PREPL: variants seen among roughly 807,000 people sequenced by gnomAD.
The protein encoded by PREPL is prolyl endopeptidase-like.
PREPL carries 77 observed loss-of-function variants against 70.6 expected under a neutral mutation model. The observed-to-expected ratio is 1.09, with a 90% CI of 0.91 to 1.32. PREPL has a LOEUF of 1.32. Among genes scored for constraint, PREPL ranks in the 40% most tolerant of loss-of-function variants. The pLI, the probability that PREPL is intolerant of heterozygous loss-of-function variation, is 0.00. For synonymous variants in PREPL, 315 were observed against 264.8 expected, an observed-to-expected ratio of 1.19 and a Z score of -1.84; for missense variants, 1,002 against 778.2, an observed-to-expected ratio of 1.29 and a Z score of -3.42.
Position 44,321,539 on chromosome 2 carries a change from C to G in PREPL, c.1828-94G>C, listed in dbSNP as rs138402468. 2.6e-5 allele frequency: 40 copies of G among 1,524,516 alleles called. No individual in the cohort carries two copies. The Middle Eastern group carries it at 1.4e-3, about 53-fold the overall frequency. 94.4% of individuals were successfully genotyped at this position (1,524,516 alleles called of 1,614,324 possible). On this transcript the variant is annotated intron_variant, in intron 13 of 13. Coordinates refer to ENST00000409411, the MANE Select transcript of PREPL (RefSeq NM_001171613.2). ...CTTTATCTATCCATCTTTACCTAACCGTGAAGTCAGCAATTTATGGCAAGA... is the reference window on the plus strand; with the variant it reads ...CTTTATCTATCCATCTTTACCTAACGGTGAAGTCAGCAATTTATGGCAAGA...
intron 6 of PREPL, 113 bp downstream of exon 6, chr2:44,339,034 A>G: frequency 6.8e-7 from 1 of 1,479,938 alleles, no homozygotes; most frequent in Non-Finnish European, 9.0e-7. Flanking sequence ...GGTTATACAT[A>G]GGAAGGTGGC....
At chr2:44,333,883 C>T (rs1040612276) in intron 7 of PREPL, among the ~76,000 whole-genome samples, 12 of 152,098 alleles carry the variant, frequency 7.9e-5, no homozygotes, top group Admixed American at 2.0e-4. Flanking sequence ...GGCCTCAGAG[C>T]GAGGGTACAA....
rs761397318 is a variant in PREPL, at chr2:44,343,790, C to G, written c.304G>C (p.Asp102His). 3 of 1,613,882 alleles carry G rather than the reference C, an allele frequency of 1.9e-6. No individual in the cohort carries two copies. Among genetic ancestry groups the G allele is most frequent in the African/African-American group, 2.7e-5 (2 of 74,928 alleles). The change falls in exon 4 of 14, where the codon GAT becomes CAT. Residue 102 changes from aspartate to histidine, a missense_variant. Transcript: ENST00000409411. Reference sequence around the variant, plus strand: ...AAAGAAGCTTCCATTACGGGCTGATCGCTGAGCTTTATAATTACACAGGTA... The same window carrying G: ...AAAGAAGCTTCCATTACGGGCTGATGGCTGAGCTTTATAATTACACAGGTA... ...ASTCVIIKLS[D>H]QPVMEASFPN...
At position 44,343,882 on chromosome 2, in the gene PREPL, C is replaced by T. The variant is rs778714656; in HGVS notation, c.212G>A (p.Cys71Tyr). The T allele has an allele frequency of 6.2e-6, 10 of 1,613,892 alleles. No individual in the cohort carries two copies. The African/African-American group carries it at 1.3e-4, about 22-fold the overall frequency. The change falls in exon 4 of 14, where the codon TGT becomes TAT. Residue 71 changes from cysteine (C) to tyrosine (Y), a missense_variant. Cys to Tyr is a radical substitution (Grantham distance 194). Coordinates refer to ENST00000409411, the MANE Select transcript of PREPL (RefSeq NM_001171613.2). ...ELKLDQPFID[C>Y]IRVAPDEKYV... ...TTTTTCATCTGGAGCAACTCTGATA[C>T]AATCAATGAAGGGCTGGTCTAACTT... is the stretch of plus-strand genomic sequence containing the variant.
rs1431893136 is a variant in PREPL at position 44,326,757 on chromosome 2, T to C, written c.1434A>G (p.Ala478=). ...CCAGCTCTGGATTAGAATTACACAATGCTCCTGCAAGCACCCCTCCAGCAC... is the reference window on the plus strand; with the variant it reads ...CCAGCTCTGGATTAGAATTACACAACGCTCCTGCAAGCACCCCTCCAGCAC... ...AFSAGGVLAG[A]LCNSNPELVR... Residue 478 remains alanine, a synonymous_variant, in exon 10 of 14, where the codon GCA becomes GCG. Coordinates refer to ENST00000409411, the MANE Select transcript of PREPL (RefSeq NM_001171613.2). 3 of 1,614,138 alleles carry C rather than the reference T, an allele frequency of 1.9e-6. No homozygotes were observed. Among genetic ancestry groups the C allele is most frequent in the Middle Eastern group, 3.3e-4 (2 of 6,048 alleles).
chr2:44,326,395 T>G (rs1323615412), intron 10 of PREPL, among the ~76,000 whole-genome samples: 2 of 151,344 alleles, frequency 1.3e-5, no homozygotes, highest in East Asian at 1.9e-4. Context: ...TTTTTTTTTT[T>G]TTTTTTGACA....
chr2:44,345,616 G>A (rs1266786519), intron 2 of PREPL, among the ~76,000 whole-genome samples: 1 of 152,198 alleles, frequency 6.6e-6, no homozygotes, highest in African/African-American at 2.4e-5. Flanking sequence ...CCAAAGTGCT[G>A]GGATTACAGG....
chr2:44,336,242 C>G (rs1674625968), intron 7 of PREPL, among the ~76,000 whole-genome samples: 1 of 152,184 alleles, frequency 6.6e-6, no homozygotes, highest in South Asian at 2.1e-4. Context: ...CATAAAGACA[C>G]ATGCACACAT....
At chr2:44,332,102 A>G (rs1016374678) in intron 8 of PREPL, among the ~76,000 whole-genome samples, 2 of 151,936 alleles carry the variant, frequency 1.3e-5, no homozygotes, top group Admixed American at 1.3e-4. Context: ...GCCCGCCACC[A>G]TGCCCAGCTA....
intron 1 of PREPL, among the ~76,000 whole-genome samples, chr2:44,355,043 G>T (rs2104190147): frequency 6.6e-6 from 1 of 152,292 alleles, no homozygotes; most frequent in African/African-American, 2.4e-5. Context: ...CTAATCAAAT[G>T]CAGTAACATT....
intron 1 of PREPL, among the ~76,000 whole-genome samples, chr2:44,348,089 T>C (rs906183304): frequency 1.3e-5 from 2 of 152,134 alleles, no homozygotes; most frequent in Admixed American, 6.5e-5. Context: ...AGGGTCTCAC[T>C]ATGTTGCCCA....
At chr2:44,340,962 G>C (rs1353628661) in intron 5 of PREPL, among the ~76,000 whole-genome samples, 1 of 149,502 alleles carries the variant, frequency 6.7e-6, no homozygotes, top group Non-Finnish European at 1.5e-5. Context: ...ACATTAACTT[G>C]TCTTTTTGTT....
intron 1 of PREPL, among the ~76,000 whole-genome samples, chr2:44,352,608 G>A (rs991861132): frequency 2.0e-5 from 3 of 152,094 alleles, no homozygotes; most frequent in African/African-American, 7.2e-5. Flanking sequence ...AAGTAGGATG[G>A]TAAGCTTCAC....
chr2:44,350,154 AAT>A (rs1676260728), intron 1 of PREPL, among the ~76,000 whole-genome samples: 1 of 152,204 alleles, frequency 6.6e-6, no homozygotes, highest in South Asian at 2.1e-4. Flanking sequence ...TAAAAAAATC[AAT>A]CTTATTCTAA....
chr2:44,342,799 A>C (rs777577219), intron 4 of PREPL, among the ~76,000 whole-genome samples: 11 of 152,178 alleles, frequency 7.2e-5, no homozygotes, highest in Non-Finnish European at 1.2e-4. Context: ...TCAGGTTTCT[A>C]AATAAGAGCT....
intron 11 of PREPL, 43 bp from the exon 12 acceptor site, chr2:44,322,897 T>C (rs2103688253): frequency 6.2e-7 from 1 of 1,602,466 alleles, no homozygotes; most frequent in Non-Finnish European, 8.5e-7. Flanking sequence ...TTATTTCTTA[T>C]GGTCCCTTGC....
chr2:44,346,879 T>G (rs922585602), intron 1 of PREPL, among the ~76,000 whole-genome samples: 4 of 152,138 alleles, frequency 2.6e-5, no homozygotes, highest in Non-Finnish European at 4.4e-5. Context: ...TATTATTTTA[T>G]TCACAGCCAG....
Position 44,343,852 on chromosome 2 carries a change from A to G in PREPL, c.242T>C (p.Val81Ala). The G allele has an allele frequency of 1.2e-6, 2 of 1,614,054 alleles. No individual in the cohort carries two copies. Among genetic ancestry groups the G allele is most frequent in the South Asian group, 2.2e-5 (2 of 91,088 alleles). The stretch of plus-strand genomic sequence containing the variant: ...ATCTTCAGTTCTTATCTTGGCAGCC[A>G]CATATTTTTCATCTGGAGCAACTCT... ...CIRVAPDEKY[V>A]AAKIRTEDSE... Residue 81 changes from valine to alanine, a missense_variant, in exon 4 of 14, where the codon GTG becomes GCG. By Grantham distance (64) the Val-to-Ala change is moderately conservative. Transcript: ENST00000409411.
At chr2:44,359,981 G>C (rs888181126) in intron 1 of PREPL, 7 of 405,230 alleles carry the variant, frequency 1.7e-5, no homozygotes, top group Admixed American at 1.6e-4. Flanking sequence ...CATTTGTAAA[G>C]TTAATCCTAT....
Sources: allele counts gnomAD v4.1 joint callset (sites outside exome capture counted in the v4.1 genomes callset), GRCh38; gene constraint gnomAD v4.1.1; transcripts MANE v1.5; gene names NCBI Gene and HGNC (gene_info 2026-07-23, HGNC 2026-07-21).